CEP85L: variants seen among roughly 807,000 people sequenced by gnomAD.
The protein encoded by CEP85L is centrosomal protein 85L.
Under a neutral mutation model 100.3 loss-of-function variants are expected in CEP85L, and 60 were observed. The observed-to-expected ratio is 0.60, with a 90% confidence interval of 0.49 to 0.74. The LOEUF is 0.74. Ranked by LOEUF, CEP85L falls within the 30% of genes least tolerant of loss-of-function variation. The pLI is 0.00. For missense variants in CEP85L, 973 were observed against 936.2 expected, an observed-to-expected ratio of 1.04 and a Z score of -0.51; for synonymous variants, 319 against 322.7, an observed-to-expected ratio of 0.99 and a Z score of 0.12.
intron 5 of CEP85L, chr6:118,501,643 T>C (rs1775309389): frequency 1.6e-6 from 1 of 638,056 alleles, no homozygotes; most frequent in Admixed American, 1.9e-5. Flanking sequence ...AGACCACTTA[T>C]TATAAAGCTG....
At chr6:118,502,216 T>A in intron 5 of CEP85L, 2 of 718,250 alleles carry the variant, frequency 2.8e-6, no homozygotes, top group Non-Finnish European at 4.7e-6. Context: ...TTATGGACCC[T>A]GGAGTTCTTA....
intron 3 of CEP85L, among the ~76,000 whole-genome samples, chr6:118,544,176 T>C (rs912674014): frequency 1.6e-4 from 24 of 152,312 alleles, no homozygotes; most frequent in African/African-American, 5.3e-4. Context: ...TAAATTGAAA[T>C]AGAACCTTCT....
In CEP85L at chr6:118,505,564, T is replaced by C. The variant is rs527397597; in HGVS notation, c.1257+5734A>G. The stretch of plus-strand genomic sequence containing the variant: ...TATTCAGTAATAAAGAAAAATGAAC[T>C]ATCAAGCCATGAAAAGATATAGAGG... On this transcript the variant is annotated intron_variant, in intron 5 of 12. Transcript: ENST00000368491. 2.3e-4 allele frequency among the ~76,000 whole-genome samples: 35 copies of C among 152,072 alleles called. 1 individual carries two copies. In the South Asian group the frequency reaches 7.0e-3, roughly 31 times the overall value.
At chr6:118,582,868 G>A (rs1780652202) in intron 2 of CEP85L, among the ~76,000 whole-genome samples, 3 of 152,180 alleles carry the variant, frequency 2.0e-5, no homozygotes, top group Admixed American at 6.5e-5. Flanking sequence ...GCACCCTAGA[G>A]AACCTCCTGA....
intron 2 of CEP85L, among the ~76,000 whole-genome samples, chr6:118,583,068 G>A (rs2115084782): frequency 6.6e-6 from 1 of 152,352 alleles, no homozygotes; most frequent in African/African-American, 2.4e-5. Flanking sequence ...TGCCCAGGCA[G>A]CAAGACGAAG....
chr6:118,708,308 C>A (rs184259948), intron 1 of CEP85L, among the ~76,000 whole-genome samples: 7 of 152,274 alleles, frequency 4.6e-5, no homozygotes, highest in Admixed American at 3.9e-4. Context: ...GGATGGAAGG[C>A]TGCAAAGACT....
chr6:118,541,157 G>A (rs376542711), intron 3 of CEP85L, among the ~76,000 whole-genome samples: 22 of 152,224 alleles, frequency 1.4e-4, no homozygotes, highest in African/African-American at 4.8e-4. Flanking sequence ...ATACATTAAC[G>A]GGGCAGCCTT....
intron 2 of CEP85L, among the ~76,000 whole-genome samples, chr6:118,617,142 G>A (rs1353626414): frequency 6.6e-6 from 1 of 152,100 alleles, no homozygotes; most frequent in African/African-American, 2.4e-5. Context: ...TCGAGTAGGG[G>A]CTTGGAAAGC....
intron 1 of CEP85L, among the ~76,000 whole-genome samples, chr6:118,677,379 G>A (rs568245853): frequency 3.9e-5 from 6 of 152,276 alleles, no homozygotes; most frequent in African/African-American, 7.2e-5. Flanking sequence ...GACACTGTCC[G>A]TAGTCCTGAA....
chr6:118,470,723 T>C (rs1772889810), intron 10 of CEP85L, 79 bp from the exon 11 acceptor site: 2 of 754,906 alleles, frequency 2.6e-6, no homozygotes, highest in East Asian at 5.5e-5. Flanking sequence ...AGTAGGAATG[T>C]TGGCTCTGAA....
At chr6:118,677,780 A>G (rs545350019) in intron 1 of CEP85L, among the ~76,000 whole-genome samples, 1 of 152,310 alleles carries the variant, frequency 6.6e-6, no homozygotes, top group African/African-American at 2.4e-5. Flanking sequence ...TGATTTTACC[A>G]TGCCCACCAC....
intron 2 of CEP85L, among the ~76,000 whole-genome samples, chr6:118,597,898 T>C (rs1370826815): frequency 1.3e-5 from 2 of 152,220 alleles, no homozygotes; most frequent in East Asian, 3.8e-4. Flanking sequence ...TGAGGAAGGC[T>C]AGTTCCTGAC....
chr6:118,701,502 C>T (rs140913040), intron 1 of CEP85L, among the ~76,000 whole-genome samples: 69 of 152,226 alleles, frequency 4.5e-4, no homozygotes, highest in African/African-American at 1.6e-3. Flanking sequence ...TGGTCATTAT[C>T]CTAAGCAAAT....
intron 2 of CEP85L, among the ~76,000 whole-genome samples, chr6:118,583,249 A>ACC (rs1214904043): frequency 6.6e-6 from 1 of 152,090 alleles, no homozygotes; most frequent in East Asian, 1.9e-4. Flanking sequence ...CAGCACAGGA[A>ACC]CCCTGAGTGA....
intron 1 of CEP85L, among the ~76,000 whole-genome samples, chr6:118,641,333 T>C (rs1388628792): frequency 2.0e-5 from 3 of 152,216 alleles, no homozygotes; most frequent in Non-Finnish European, 2.9e-5. Context: ...CTCTATGATC[T>C]GCAAAGTGAA....
intron 11 of CEP85L, 141 bp from the exon 12 acceptor site, chr6:118,469,444 A>C: frequency 1.6e-6 from 1 of 621,092 alleles, no homozygotes; most frequent in East Asian, 2.7e-5. Flanking sequence ...ATTCAACTAC[A>C]TATATGCAGT....
intron 2 of CEP85L, among the ~76,000 whole-genome samples, chr6:118,571,708 T>C (rs891859505): frequency 2.6e-5 from 4 of 152,168 alleles, no homozygotes; most frequent in Admixed American, 2.6e-4. Flanking sequence ...CTTCACAGTT[T>C]AAAAAATAAT....
chr6:118,583,493 T>C (rs1359601466), intron 2 of CEP85L, among the ~76,000 whole-genome samples: 1 of 152,192 alleles, frequency 6.6e-6, no homozygotes, highest in Non-Finnish European at 1.5e-5. Flanking sequence ...TAGGTAGATA[T>C]ATTCTAGCTT....
At chr6:118,667,696 G>C (rs1219636111) in intron 1 of CEP85L, among the ~76,000 whole-genome samples, 1 of 152,156 alleles carries the variant, frequency 6.6e-6, no homozygotes, top group Admixed American at 6.5e-5. Flanking sequence ...AAGGCCTAGA[G>C]AGATGAAATG....
Sources: gnomAD v4.1 joint callset for allele counts (sites outside exome capture counted in the v4.1 genomes callset) on GRCh38, gnomAD v4.1.1 for gene constraint, MANE v1.5 for transcripts, NCBI Gene and HGNC (gene_info 2026-07-23, HGNC 2026-07-21) for gene names.